The following DMD variants were observed in gnomAD, a reference collection of about 807,000 sequenced individuals.
DMD encodes mutant dystrophin.
DMD carries 63 observed loss-of-function variants against 330.1 expected under a neutral mutation model. The ratio of observed to expected loss-of-function variants is 0.19; its 90% CI spans 0.16 to 0.24. The LOEUF (loss-of-function observed/expected upper bound fraction) is 0.24. Ranked by LOEUF, DMD falls within the 10% of genes least tolerant of loss-of-function variation. DMD has a pLI of 1.00. For synonymous variants in DMD, 1,223 were observed against 959.8 expected, an observed-to-expected ratio of 1.27 and a Z score of -5.07; for missense variants, 3,344 against 2,684.1, an observed-to-expected ratio of 1.25 and a Z score of -5.43.
intron 55 of DMD, among the ~76,000 whole-genome samples, chrX:31,580,745 C>A (rs189731766): frequency 1.8e-5 from 2 of 111,899 alleles, no homozygotes; most frequent in Admixed American, 1.9e-4. Flanking sequence ...ATAGTCTCAG[C>A]CTAAATGGTA....
At chrX:32,556,364 T>G (rs1282251243) in intron 16 of DMD, among the ~76,000 whole-genome samples, 3 of 111,179 alleles carry the variant, frequency 2.7e-5, no homozygotes, top group Non-Finnish European at 3.8e-5. Context: ...ACACTCTTGG[T>G]GGGAGTGTAA....
intron 44 of DMD, among the ~76,000 whole-genome samples, chrX:32,015,097 A>G (rs1428781188): frequency 9.0e-6 from 1 of 111,713 alleles, no homozygotes; most frequent in Non-Finnish European, 1.9e-5. Flanking sequence ...ATTTTAAAAT[A>G]CTGATGTCTG....
intron 73 of DMD, among the ~76,000 whole-genome samples, chrX:31,170,473 T>C (rs1461852012): frequency 9.0e-6 from 1 of 110,768 alleles, no homozygotes; most frequent in African/African-American, 3.3e-5. Flanking sequence ...TACCTCCAAG[T>C]TATAAGAATT....
intron 6 of DMD, among the ~76,000 whole-genome samples, chrX:32,814,421 CAAT>C (rs1353717654): frequency 8.9e-6 from 1 of 112,232 alleles, no homozygotes; most frequent in Non-Finnish European, 1.9e-5. Context: ...TTGAACCACT[CAAT>C]TATTGAAATG....
intron 52 of DMD, among the ~76,000 whole-genome samples, chrX:31,703,258 T>G (rs753277725): frequency 3.3e-4 from 37 of 112,688 alleles, no homozygotes; most frequent in African/African-American, 1.1e-3. Flanking sequence ...CTTTGTCTAC[T>G]TTTCTAGTTT....
chrX:31,284,002 A>C (rs1398828141), intron 62 of DMD, among the ~76,000 whole-genome samples: 1 of 112,226 alleles, frequency 8.9e-6, no homozygotes, highest in Non-Finnish European at 1.9e-5. Flanking sequence ...TAACATACCT[A>C]ATCTACTCAA....
intron 21 of DMD, among the ~76,000 whole-genome samples, chrX:32,481,052 C>CTT (rs1237605296): frequency 9.0e-6 from 1 of 110,661 alleles, no homozygotes; most frequent in Non-Finnish European, 1.9e-5. Context: ...TCACATCAAA[C>CTT]TTTGTTTTAA....
intron 55 of DMD, among the ~76,000 whole-genome samples, chrX:31,577,103 A>G (rs1051988884): frequency 3.8e-4 from 43 of 112,696 alleles, no homozygotes; most frequent in African/African-American, 1.3e-3. Flanking sequence ...TGGCATAGCT[A>G]TTTAGCAAAT....
chrX:32,895,111 A>T (rs1215916446), intron 2 of DMD, among the ~76,000 whole-genome samples: 1 of 111,755 alleles, frequency 8.9e-6, no homozygotes, highest in Non-Finnish European at 1.9e-5. Context: ...GGGCCACCGG[A>T]TCAGAGCCCC....
Position 31,787,692 on chromosome X carries a change from G to T in DMD, c.7310-13500C>A, listed in dbSNP as rs751739900. 2.7e-5 allele frequency among the ~76,000 whole-genome samples: 3 copies of T among 112,206 alleles called. No individual in the cohort carries two copies. In the Admixed American group the frequency reaches 2.8e-4, roughly 11 times the overall value. ...TATCTTAAGTTGGTTTGAAGTGACT[G>T]TATTGAACTAAACTTGAGTTTTAAC... On this transcript the variant is annotated intron_variant, in intron 50 of 78. Coordinates refer to ENST00000357033, the MANE Select transcript of DMD (RefSeq NM_004006.3).
intron 52 of DMD, among the ~76,000 whole-genome samples, chrX:31,721,718 C>A (rs942480980): frequency 0.29 from 16,058 of 56,119 alleles, 2,148 homozygotes; most frequent in African/African-American, 0.5. Flanking sequence ...CTCTCTCTCT[C>A]TATATATATA....
chrX:32,961,439 A>G (rs1207193590), intron 2 of DMD, among the ~76,000 whole-genome samples: 2 of 111,094 alleles, frequency 1.8e-5, no homozygotes, highest in Non-Finnish European at 3.8e-5. Context: ...ATACATTTAA[A>G]AATTCTAATA....
At chrX:32,334,547 A>G (rs2097696042) in intron 41 of DMD, among the ~76,000 whole-genome samples, 1 of 111,895 alleles carries the variant, frequency 8.9e-6, no homozygotes, top group Admixed American at 9.6e-5. Context: ...ATCTAGGCTC[A>G]GACATTATTT....
At chrX:32,600,635 C>T (rs2056104996) in intron 12 of DMD, among the ~76,000 whole-genome samples, 3 of 106,114 alleles carry the variant, frequency 2.8e-5, no homozygotes, top group South Asian at 4.1e-4. Context: ...AAACACACCC[C>T]TAGAAACAAC....
chrX:32,990,428 T>A (rs938948764), intron 2 of DMD, among the ~76,000 whole-genome samples: 7 of 111,608 alleles, frequency 6.3e-5, no homozygotes, highest in African/African-American at 2.3e-4. Context: ...TCTAGATTAA[T>A]CCAGGATTCA....
At chrX:32,580,011 CTTTT>C (rs57730410) in intron 13 of DMD, among the ~76,000 whole-genome samples, 47 of 91,118 alleles carry the variant, frequency 5.2e-4, no homozygotes, top group African/African-American at 1.7e-3. Context: ...TATTTAATGT[CTTTT>C]TTTTTTTTTT....
At chrX:31,385,090 G>GTT (rs1331410810) in intron 60 of DMD, among the ~76,000 whole-genome samples, 1 of 111,958 alleles carries the variant, frequency 8.9e-6, no homozygotes, top group African/African-American at 3.2e-5. Flanking sequence ...CTACATGAAG[G>GTT]TTCACAAGGT....
At chrX:33,237,949 T>A (rs1000193517) in intron 1 of DMD, among the ~76,000 whole-genome samples, 2 of 112,186 alleles carry the variant, frequency 1.8e-5, no homozygotes, top group African/African-American at 6.5e-5. Flanking sequence ...CTAAACATAA[T>A]AGTTGCCAAA....
At chrX:32,993,090 T>C (rs1431056441) in intron 2 of DMD, among the ~76,000 whole-genome samples, 1 of 111,481 alleles carries the variant, frequency 9.0e-6, no homozygotes, top group Non-Finnish European at 1.9e-5. Flanking sequence ...ATAGCTAATA[T>C]GGAGAAAAGT....
Sources: allele counts gnomAD v4.1 joint callset (sites outside exome capture counted in the v4.1 genomes callset), GRCh38; gene constraint gnomAD v4.1.1; transcripts MANE v1.5; gene names NCBI Gene and HGNC (gene_info 2026-07-23, HGNC 2026-07-21).